CAPZB: variants seen among roughly 807,000 people sequenced by gnomAD.
CAPZB encodes F-actin-capping protein subunit beta.
A neutral mutation model predicts 38.1 loss-of-function variants in CAPZB; 2 were observed. That is an observed-to-expected ratio of 0.05 (90% CI 0.02 to 0.17). The LOEUF is 0.17. CAPZB is among the 10% of genes least tolerant of loss of function. The probability of loss-of-function intolerance (pLI) is 1.00; values close to 1 mark genes in which losing one functional copy is unlikely to be tolerated. For synonymous variants in CAPZB, 107 were observed against 127.4 expected (o/e 0.84, Z 1.08); for missense variants, 161 against 334.2 (o/e 0.48, Z 4.04).
intron 2 of CAPZB, among the ~76,000 whole-genome samples, chr1:19,396,084 C>A (rs2094266910): frequency 6.6e-6 from 1 of 152,252 alleles, no homozygotes; most frequent in African/African-American, 2.4e-5. Context: ...CCTCCCAAAG[C>A]CGCGACGGCA....
At chr1:19,450,805 G>C (rs1043430044) in intron 1 of CAPZB, among the ~76,000 whole-genome samples, 2 of 152,214 alleles carry the variant, frequency 1.3e-5, no homozygotes, top group Admixed American at 6.5e-5. Context: ...AAAGCAGCAA[G>C]AGGGAAAAAG....
At chr1:19,454,219 T>A (rs1332502411) in intron 1 of CAPZB, among the ~76,000 whole-genome samples, 1 of 152,006 alleles carries the variant, frequency 6.6e-6, no homozygotes, top group African/African-American at 2.4e-5. Flanking sequence ...TGGCCATGAG[T>A]AGCGCCATCC....
At chr1:19,475,462 A>C (rs558049524) in intron 1 of CAPZB, among the ~76,000 whole-genome samples, 1 of 152,338 alleles carries the variant, frequency 6.6e-6, no homozygotes, top group African/African-American at 2.4e-5. Flanking sequence ...AGCTGCTGTT[A>C]GGATCACGGC....
At chr1:19,428,462 A>G (rs1431463872) in intron 1 of CAPZB, among the ~76,000 whole-genome samples, 1 of 152,144 alleles carries the variant, frequency 6.6e-6, no homozygotes, top group Non-Finnish European at 1.5e-5. Context: ...TTTAAAGTGA[A>G]CAATTCAGTG....
intron 1 of CAPZB, among the ~76,000 whole-genome samples, chr1:19,478,720 G>A (rs538583558): frequency 6.6e-6 from 1 of 152,050 alleles, no homozygotes; most frequent in South Asian, 2.1e-4. Context: ...GACTCAGATG[G>A]CATATTCTAT....
chr1:19,355,067 A>C (rs2094012869), intron 6 of CAPZB, among the ~76,000 whole-genome samples: 1 of 152,228 alleles, frequency 6.6e-6, no homozygotes, highest in Admixed American at 6.5e-5. Flanking sequence ...CCTCTGACAC[A>C]GGAGAGGCAG....
intron 4 of CAPZB, among the ~76,000 whole-genome samples, chr1:19,367,322 C>A (rs2094094751): frequency 1.3e-5 from 2 of 152,252 alleles, no homozygotes; most frequent in Admixed American, 1.3e-4. Context: ...CCTGGCAGAG[C>A]AAGCACTCAA....
chr1:19,442,345 G>T (rs72653935), intron 1 of CAPZB, among the ~76,000 whole-genome samples: 55 of 152,164 alleles, frequency 3.6e-4, no homozygotes, highest in Non-Finnish European at 6.5e-4. Flanking sequence ...CTGGGGAGTG[G>T]GGGGGCGTGG....
rs1484941036 is a variant in CAPZB, at chr1:19,339,523, C to G, written c.*7G>C. On this transcript the variant is annotated 3_prime_UTR_variant, in exon 9 of 9. Coordinates refer to ENST00000264202, the MANE Select transcript of CAPZB (RefSeq NM_004930.5). ...CACGGCGTGTCTGGTTAGCATGAAA[C>G]AGAGGTTTAGCATTGCTGCTTTCTC... The G allele has an allele frequency of 1.2e-6, 2 of 1,605,670 alleles. No homozygotes were observed. Among genetic ancestry groups the G allele is most frequent in the Non-Finnish European group, 8.5e-7 (1 of 1,172,212 alleles).
chr1:19,484,688 G>A, intron 1 of CAPZB: 1 of 1,132,592 alleles, frequency 8.8e-7, no homozygotes, highest in Non-Finnish European at 1.1e-6. Context: ...TCGTGCACCA[G>A]GCAGGGGGCA....
chr1:19,358,958 T>G (rs2094037101), intron 4 of CAPZB, among the ~76,000 whole-genome samples: 1 of 152,240 alleles, frequency 6.6e-6, no homozygotes, highest in African/African-American at 2.4e-5. Flanking sequence ...TGCTCATGCA[T>G]GCATGCGTCC....
At chr1:19,352,249 A>T (rs1411388949) in intron 6 of CAPZB, among the ~76,000 whole-genome samples, 1 of 152,234 alleles carries the variant, frequency 6.6e-6, no homozygotes, top group Admixed American at 6.5e-5. Flanking sequence ...AAGTGCCTCT[A>T]CTGGGGATTT....
chr1:19,454,493 A>G (rs1410894916), intron 1 of CAPZB, among the ~76,000 whole-genome samples: 1 of 152,152 alleles, frequency 6.6e-6, no homozygotes, highest in African/African-American at 2.4e-5. Context: ...GTCACTCCTG[A>G]GCGCTTAGAG....
intron 1 of CAPZB, among the ~76,000 whole-genome samples, chr1:19,461,332 A>C (rs1028499251): frequency 6.6e-6 from 1 of 152,168 alleles, no homozygotes; most frequent in Non-Finnish European, 1.5e-5. Flanking sequence ...TAGGTCACAC[A>C]GAGGGACAAC....
intron 4 of CAPZB, among the ~76,000 whole-genome samples, chr1:19,368,661 CCT>C (rs1491458034): frequency 8.2e-6 from 1 of 122,634 alleles, no homozygotes; most frequent in African/African-American, 2.9e-5. Flanking sequence ...TGCAAGAATG[CCT>C]TTTTTTTTTT....
chr1:19,419,760 G>C lies in CAPZB; in HGVS notation c.4-10C>G, dbSNP rs999244552. 6.7e-7 allele frequency: 1 copy of C among 1,490,192 alleles called. No individual in the cohort carries two copies. Among genetic ancestry groups the C allele is most frequent in the Non-Finnish European group, 9.2e-7 (1 of 1,084,002 alleles). The allele number at this position is 1,490,192 out of a possible 1,614,324, so 92.3% of individuals were successfully genotyped here. A position where few individuals can be genotyped will look rare whatever the true frequency, so the allele number is the denominator to read the frequency against. On this transcript the variant is annotated splice_polypyrimidine_tract_variant and intron_variant, in intron 1 of 8. Coordinates refer to ENST00000264202, the MANE Select transcript of CAPZB (RefSeq NM_004930.5). Reference sequence around the variant, plus strand: ...CCAGCTGCTGATCACTCTGTGGAGGGAGAAATACAAGTGCGTCAGTCATTT... The same window carrying C: ...CCAGCTGCTGATCACTCTGTGGAGGCAGAAATACAAGTGCGTCAGTCATTT...
In CAPZB at chr1:19,433,151, G is replaced by A. The variant is rs1041130457; in HGVS notation, c.4-13401C>T. Among the ~76,000 whole-genome samples the A allele has an allele frequency of 3.3e-5, 5 of 152,200 alleles. No individual in the cohort carries two copies. The East Asian group carries it at 7.7e-4, about 23-fold the overall frequency. On this transcript the variant is annotated intron_variant, in intron 1 of 8. Coordinates refer to ENST00000264202, the MANE Select transcript of CAPZB (RefSeq NM_004930.5). ...TGCTGCCTCCACATGATCCTGGCTG[G>A]TTTCATGTAACAAGCGACTAATCCC...
chr1:19,455,165 G>A (rs182077118), intron 1 of CAPZB, among the ~76,000 whole-genome samples: 114 of 152,314 alleles, frequency 7.5e-4, no homozygotes, highest in Middle Eastern at 3.4e-3. Flanking sequence ...CTCCCGTCCC[G>A]GGAGCAGGCA....
At chr1:19,449,297 C>A in intron 1 of CAPZB, 1 of 1,041,090 alleles carries the variant, frequency 9.6e-7, no homozygotes, top group East Asian at 7.5e-5. Flanking sequence ...AATGCACTGG[C>A]CTGGCGAGAT....
Sources: gnomAD v4.1 joint callset for allele counts (sites outside exome capture counted in the v4.1 genomes callset) on GRCh38, gnomAD v4.1.1 for gene constraint, MANE v1.5 for transcripts, NCBI Gene and HGNC (gene_info 2026-07-23, HGNC 2026-07-21) for gene names.